ANO2: variants seen among roughly 807,000 people sequenced by gnomAD.
ANO2 encodes the protein anoctamin 2, also known as anoctamin-2.
A neutral mutation model predicts 124.2 loss-of-function variants in ANO2; 101 were observed. That is an observed-to-expected ratio of 0.81 (90% CI 0.69 to 0.96). The LOEUF (loss-of-function observed/expected upper bound fraction) is 0.96. Among genes scored for constraint, ANO2 ranks in the 40% least tolerant of loss-of-function variants. The probability of loss-of-function intolerance (pLI) is 0.00; values close to 1 mark genes in which losing one functional copy is unlikely to be tolerated. For synonymous variants in ANO2, 486 were observed against 482.5 expected (o/e 1.01, Z -0.09); for missense variants, 1,293 against 1,274.5 (o/e 1.01, Z -0.22).
intron 3 of ANO2, among the ~76,000 whole-genome samples, chr12:5,860,365 C>T (rs914830219): frequency 6.6e-6 from 1 of 152,202 alleles, no homozygotes; most frequent in Admixed American, 6.5e-5. Flanking sequence ...CCCTTCTTCT[C>T]TGCTAGATCT....
At chr12:5,923,439 G>C (rs1941932228) in intron 1 of ANO2, among the ~76,000 whole-genome samples, 2 of 152,206 alleles carry the variant, frequency 1.3e-5, no homozygotes, top group Non-Finnish European at 2.9e-5. Flanking sequence ...AAAGGCTTAG[G>C]CTTTGGGCCT....
chr12:5,686,655 C>T (rs923762374), intron 14 of ANO2, among the ~76,000 whole-genome samples: 2 of 152,224 alleles, frequency 1.3e-5, no homozygotes, highest in Non-Finnish European at 2.9e-5. Context: ...ACCATCCCCT[C>T]CATGGGCCCC....
At chr12:5,902,224 T>TA (rs1940268306) in intron 3 of ANO2, among the ~76,000 whole-genome samples, 1 of 152,096 alleles carries the variant, frequency 6.6e-6, no homozygotes. Flanking sequence ...TTCACTTTTT[T>TA]AAAAAACTCA....
rs375609231 is a variant in ANO2, at chr12:5,807,431, G to A, written c.893-63C>T. The A allele has an allele frequency of 2.5e-5, 35 of 1,419,056 alleles. No individual in the cohort carries two copies. The African/African-American group carries it at 4.9e-4, about 20-fold the overall frequency. 87.9% of individuals were successfully genotyped at this position (1,419,056 alleles called of 1,614,324 possible). A position where few individuals can be genotyped will look rare whatever the true frequency, so the allele number is the denominator to read the frequency against. On this transcript the variant is annotated intron_variant, in intron 7 of 24. Transcript: ENST00000682330. ...GCAAGCGTTTCTCAACTTAACCCCT[G>A]TTTTTTGATAAATAAGCTTTCACAT...
At chr12:5,903,504 T>C (rs754205149) in intron 3 of ANO2, among the ~76,000 whole-genome samples, 1 of 152,342 alleles carries the variant, frequency 6.6e-6, no homozygotes. Context: ...CGGTTATATG[T>C]CCTCTAGTGG....
chr12:5,825,291 A>G (rs1008951303), intron 7 of ANO2, among the ~76,000 whole-genome samples: 2 of 152,196 alleles, frequency 1.3e-5, no homozygotes, highest in East Asian at 3.9e-4. Flanking sequence ...TGCAACACCA[A>G]CTAGGTGACA....
chr12:5,798,140 A>G (rs1177692584), intron 10 of ANO2, among the ~76,000 whole-genome samples: 2 of 152,066 alleles, frequency 1.3e-5, no homozygotes, highest in Non-Finnish European at 2.9e-5. Context: ...ATCCAGAGAG[A>G]AAGATCAAAG....
At chr12:5,686,647 C>T (rs1476984853) in intron 14 of ANO2, among the ~76,000 whole-genome samples, 2 of 152,198 alleles carry the variant, frequency 1.3e-5, no homozygotes, top group Non-Finnish European at 2.9e-5. Flanking sequence ...TAGAGGCCAC[C>T]ATCCCCTCCA....
chr12:5,571,936 C>T (rs1297733376), intron 23 of ANO2, among the ~76,000 whole-genome samples: 2 of 152,054 alleles, frequency 1.3e-5, no homozygotes, highest in Non-Finnish European at 2.9e-5. Flanking sequence ...CCAGAGCACA[C>T]CTATTTGACA....
At chr12:5,722,289 G>A (rs765079658) in intron 14 of ANO2, among the ~76,000 whole-genome samples, 2 of 152,172 alleles carry the variant, frequency 1.3e-5, no homozygotes, top group Admixed American at 6.5e-5. Flanking sequence ...GGTGGATCAC[G>A]AGGTCAGGAG....
chr12:5,567,690 C>T (rs1290266293), intron 23 of ANO2, among the ~76,000 whole-genome samples: 1 of 152,256 alleles, frequency 6.6e-6, no homozygotes, highest in Non-Finnish European at 1.5e-5. Flanking sequence ...CATAAATAAT[C>T]TAATTCTGGT....
At chr12:5,662,945 CA>C (rs1055963921) in intron 14 of ANO2, among the ~76,000 whole-genome samples, 3 of 152,208 alleles carry the variant, frequency 2.0e-5, no homozygotes, top group Non-Finnish European at 4.4e-5. Flanking sequence ...CATTATGTTT[CA>C]GGGGAACAGA....
intron 14 of ANO2, among the ~76,000 whole-genome samples, chr12:5,700,238 G>A (rs1222231958): frequency 1.3e-5 from 2 of 152,290 alleles, no homozygotes; most frequent in Non-Finnish European, 2.9e-5. Context: ...ATAACAAACT[G>A]TCTCTCAGAC....
At chr12:5,845,172 G>A (rs1199147367) in intron 4 of ANO2, among the ~76,000 whole-genome samples, 1 of 151,932 alleles carries the variant, frequency 6.6e-6, no homozygotes, top group Non-Finnish European at 1.5e-5. Flanking sequence ...GGCTGAGGTG[G>A]GAGAAACACC....
At chr12:5,785,039 T>C (rs1346312251) in intron 10 of ANO2, among the ~76,000 whole-genome samples, 3 of 152,202 alleles carry the variant, frequency 2.0e-5, no homozygotes, top group Admixed American at 1.3e-4. Context: ...CCTTCCAGAC[T>C]GAACTCTGCA....
At chr12:5,931,021 G>A (rs1405894759) in intron 1 of ANO2, among the ~76,000 whole-genome samples, 2 of 152,120 alleles carry the variant, frequency 1.3e-5, no homozygotes, top group African/African-American at 4.8e-5. Context: ...TCTGATAGAA[G>A]TAAGCTGGCC....
intron 3 of ANO2, among the ~76,000 whole-genome samples, chr12:5,910,008 T>C (rs1940949173): frequency 6.6e-6 from 1 of 152,312 alleles, no homozygotes; most frequent in South Asian, 2.1e-4. Context: ...GTTATCCAAA[T>C]AGTTAAACAT....
intron 14 of ANO2, among the ~76,000 whole-genome samples, chr12:5,723,899 G>A (rs1462996584): frequency 6.6e-6 from 1 of 152,030 alleles, no homozygotes; most frequent in African/African-American, 2.4e-5. Flanking sequence ...GAACCAACCC[G>A]CAGCTTCTCA....
rs541609043 is a variant in ANO2, at chr12:5,884,711, T to G, written c.535-30570A>C. Among the ~76,000 whole-genome samples, 16 of 152,324 alleles carry G rather than the reference T, an allele frequency of 1.1e-4. No homozygotes were observed. In the South Asian group the frequency reaches 2.3e-3, roughly 22 times the overall value. ...CATTGAGATCCTTTTGTTCAACTCATGACCTAGGACAATATGCTGGACCTG... is the reference window on the plus strand; with the variant it reads ...CATTGAGATCCTTTTGTTCAACTCAGGACCTAGGACAATATGCTGGACCTG... On this transcript the variant is annotated intron_variant, in intron 3 of 24. Coordinates refer to ENST00000682330, the MANE Select transcript of ANO2 (RefSeq NM_001364791.2).
Sources: allele counts gnomAD v4.1 joint callset (sites outside exome capture counted in the v4.1 genomes callset), GRCh38; gene constraint gnomAD v4.1.1; transcripts MANE v1.5; gene names NCBI Gene and HGNC (gene_info 2026-07-23, HGNC 2026-07-21).